ZNF670: variants seen among roughly 807,000 people sequenced by gnomAD.
ZNF670 encodes the protein zinc finger protein 670.
In ZNF670, 7 loss-of-function variants were observed where a neutral mutation model predicts 10.9. That is an observed-to-expected ratio of 0.64 (90% CI 0.36 to 1.20). ZNF670 has a LOEUF of 1.20. ZNF670 is among the 50% of genes most tolerant of loss of function. The pLI is 0.02. For synonymous variants in ZNF670, 136 were observed against 152.7 expected (o/e 0.89, Z 0.81); for missense variants, 446 against 458.6 (o/e 0.97, Z 0.25).
At chr1:247,066,285 G>A (rs1670979027) in intron 1 of ZNF670, among the ~76,000 whole-genome samples, 1 of 152,172 alleles carries the variant, frequency 6.6e-6, no homozygotes, top group Non-Finnish European at 1.5e-5. Flanking sequence ...ACTCATTTCT[G>A]GCCCTGGGTG....
At chr1:247,044,341 T>G (rs1460989675) in intron 1 of ZNF670, among the ~76,000 whole-genome samples, 1 of 152,156 alleles carries the variant, frequency 6.6e-6, no homozygotes, top group African/African-American at 2.4e-5. Context: ...AATGGAGCAC[T>G]TACACACTGC....
Position 247,034,768 on chromosome 1 carries a change from G to A in ZNF670, c.*2681C>T, listed in dbSNP as rs182034346. Among the ~76,000 whole-genome samples, 17 of 152,226 alleles carry A rather than the reference G, an allele frequency of 1.1e-4. No individual in the cohort carries two copies. The highest frequency in any genetic ancestry group is 3.9e-4 in the East Asian group (2 of 5,186). On this transcript the variant is annotated 3_prime_UTR_variant, in exon 4 of 4. Coordinates refer to ENST00000366503, the MANE Select transcript of ZNF670 (RefSeq NM_033213.5). Reference sequence around the variant, plus strand: ...TGTCCCAAGTGTGTACAGTAATAACGTTCACATGGCTACTCCAAGCATCCA... The same window carrying A: ...TGTCCCAAGTGTGTACAGTAATAACATTCACATGGCTACTCCAAGCATCCA...
chr1:247,046,876 A>G (rs1003253280), intron 1 of ZNF670, among the ~76,000 whole-genome samples: 1 of 152,246 alleles, frequency 6.6e-6, no homozygotes, highest in Non-Finnish European at 1.5e-5. Flanking sequence ...GCCCAAGGCA[A>G]CAGGTAAATA....
At chr1:247,067,846 A>AAAT (rs1671025118) in intron 1 of ZNF670, among the ~76,000 whole-genome samples, 2 of 63,786 alleles carry the variant, frequency 3.1e-5, no homozygotes, top group South Asian at 7.9e-4. Context: ...CGTCTCAAAA[A>AAAT]AAAAAAAAAA....
chr1:247,043,583 C>T (rs7543803), intron 1 of ZNF670: 54,086 of 638,828 alleles, frequency 0.085, 3,249 homozygotes, highest in South Asian at 0.19. Flanking sequence ...TCACAATTCA[C>T]TTCAGCATTG....
intron 1 of ZNF670, among the ~76,000 whole-genome samples, chr1:247,068,809 A>T (rs1671050099): frequency 7.0e-6 from 1 of 142,622 alleles, no homozygotes; most frequent in Admixed American, 7.0e-5. Context: ...TAATATACAC[A>T]CACTGGGGTA....
Position 247,035,340 on chromosome 1 carries a change from C to T in ZNF670, c.*2109G>A, listed in dbSNP as rs74155738. ...GACAAAAAAGGGAGGGTTCTGTAAA[C>T]GAGGCTGGTCCACACAAGACTTGCA... On this transcript the variant is annotated 3_prime_UTR_variant, in exon 4 of 4. Coordinates refer to ENST00000366503, the MANE Select transcript of ZNF670 (RefSeq NM_033213.5). Among the ~76,000 whole-genome samples the T allele has an allele frequency of 0.011, 1,659 of 152,188 alleles. 32 individuals are homozygous for T. The highest frequency in any genetic ancestry group is 0.037 in the African/African-American group (1,550 of 41,510).
chr1:247,060,588 T>C lies in ZNF670; in HGVS notation c.3+18006A>G, dbSNP rs547884309. 1.4e-3 allele frequency among the ~76,000 whole-genome samples: 210 copies of C among 152,300 alleles called. 2 individuals carry two copies. Among genetic ancestry groups the C allele is most frequent in the African/African-American group, 4.8e-3 (201 of 41,576 alleles). ...GCTGCAACATGGAAAACATAATCCA[T>C]GAATGAGAGAACAGGTAAATATGGG... On this transcript the variant is annotated intron_variant, in intron 1 of 3. Coordinates refer to ENST00000366503, the MANE Select transcript of ZNF670 (RefSeq NM_033213.5).
At chr1:247,060,094 T>A (rs1670823175) in intron 1 of ZNF670, among the ~76,000 whole-genome samples, 1 of 152,100 alleles carries the variant, frequency 6.6e-6, no homozygotes, top group African/African-American at 2.4e-5. Context: ...ACAATAAAAA[T>A]CCTAACAAGT....
chr1:247,038,907 G>C (rs1670234464), intron 2 of ZNF670, 37 bp from the exon 3 acceptor site: 4 of 1,563,990 alleles, frequency 2.6e-6, no homozygotes, highest in Non-Finnish European at 3.5e-6. Context: ...CAAATGATTA[G>C]AAACTTTAAA....
At chr1:247,073,568 C>T (rs1671186628) in intron 1 of ZNF670, among the ~76,000 whole-genome samples, 1 of 152,198 alleles carries the variant, frequency 6.6e-6, no homozygotes, top group Admixed American at 6.5e-5. Context: ...TCCAGGGTCT[C>T]AATTCTCACC....
At chr1:247,065,962 T>C (rs766862420) in intron 1 of ZNF670, among the ~76,000 whole-genome samples, 1 of 152,188 alleles carries the variant, frequency 6.6e-6, no homozygotes, top group Non-Finnish European at 1.5e-5. Flanking sequence ...GCAAGGACAC[T>C]GTCAACATCA....
At chr1:247,067,301 T>A (rs370559898) in intron 1 of ZNF670, among the ~76,000 whole-genome samples, 181 of 151,730 alleles carry the variant, frequency 1.2e-3, no homozygotes, top group African/African-American at 4.1e-3. Flanking sequence ...CCGGGCATGG[T>A]GGCGGGTGCC....
At chr1:247,043,055 A>G in intron 1 of ZNF670, 2 of 1,096,378 alleles carry the variant, frequency 1.8e-6, no homozygotes, top group South Asian at 1.3e-5. Context: ...CACAGACCCA[A>G]TCAACACAAT....
chr1:247,055,759 C>T (rs1670700265), intron 1 of ZNF670, among the ~76,000 whole-genome samples: 1 of 152,184 alleles, frequency 6.6e-6, no homozygotes, highest in East Asian at 1.9e-4. Flanking sequence ...GACCCACTGA[C>T]TGGCTGCCTA....
At chr1:247,059,314 A>C (rs1415352079) in intron 1 of ZNF670, among the ~76,000 whole-genome samples, 3 of 150,654 alleles carry the variant, frequency 2.0e-5, no homozygotes, top group Non-Finnish European at 3.0e-5. Flanking sequence ...GGCGTGGTGG[A>C]GGGCGCCTGT....
rs1009990281 is a variant in ZNF670 at position 247,038,512 on chromosome 1, C to G, written c.192-85G>C. The G allele has an allele frequency of 4.9e-5, 66 of 1,357,826 alleles. No homozygotes were observed. The African/African-American group carries it at 9.2e-4, about 19-fold the overall frequency. The allele number at this position is 1,357,826 out of a possible 1,614,324, so 84.1% of individuals were successfully genotyped here. A position where few individuals can be genotyped will look rare whatever the true frequency, so the allele number is the denominator to read the frequency against. Reference sequence around the variant, plus strand: ...TACCATGGAAAATGCAAGTTTCCTGCCATATCTAAATTGTTTTAAAGTAAA... The same window carrying G: ...TACCATGGAAAATGCAAGTTTCCTGGCATATCTAAATTGTTTTAAAGTAAA... On this transcript the variant is annotated intron_variant, in intron 3 of 3. Transcript: ENST00000366503.
rs1457135343 is a variant in ZNF670 at position 247,037,509 on chromosome 1, A to T, written c.1110T>A (p.Cys370Ter). 6.2e-7 allele frequency: 1 copy of T among 1,614,108 alleles called. No individual in the cohort carries two copies. The highest frequency in any genetic ancestry group is 1.3e-5 in the African/African-American group (1 of 75,072). ...AACTGGAACAACTGAAGGCTTTACCACATTTCTTACATTCATAGGGTTTTT... is the reference window on the plus strand; with the variant it reads ...AACTGGAACAACTGAAGGCTTTACCTCATTTCTTACATTCATAGGGTTTTT... ...TGEKPYECKK[C>*]GKAFSCSSSL... The change falls in exon 4 of 4, where the codon TGT becomes TGA. Residue 370 changes from cysteine to a stop codon, truncating the protein, a stop_gained. Transcript: ENST00000366503. LOFTEE classifies it low-confidence loss of function (END_TRUNC).
intron 1 of ZNF670, among the ~76,000 whole-genome samples, chr1:247,060,210 C>T (rs1000988993): frequency 2.0e-5 from 3 of 152,114 alleles, no homozygotes; most frequent in Admixed American, 2.0e-4. Context: ...ATTGATACCA[C>T]CTGACACTAA....
Sources: allele counts gnomAD v4.1 joint callset (sites outside exome capture counted in the v4.1 genomes callset), GRCh38; gene constraint gnomAD v4.1.1; transcripts MANE v1.5; gene names NCBI Gene and HGNC (gene_info 2026-07-23, HGNC 2026-07-21).